CADM2: variants seen among roughly 807,000 people sequenced by gnomAD.
CADM2 encodes immunoglobulin superfamily member 4D.
Under a neutral mutation model 49.8 loss-of-function variants are expected in CADM2, and 12 were observed. The ratio of observed to expected loss-of-function variants is 0.24; its 90% CI spans 0.15 to 0.39. The LOEUF (loss-of-function observed/expected upper bound fraction) is 0.39, where lower values mean the gene tolerates loss of function less well. Among genes scored for constraint, CADM2 ranks in the 10% least tolerant of loss-of-function variants. CADM2 has a pLI of 1.00. For missense variants in CADM2, 378 were observed against 492.3 expected, an observed-to-expected ratio of 0.77 and a Z score of 2.20; for synonymous variants, 214 against 175.4, an observed-to-expected ratio of 1.22 and a Z score of -1.74.
intron 3 of CADM2, among the ~76,000 whole-genome samples, chr3:85,809,763 CCTCTCTCTCTCT>C (rs575170244): frequency 3.9e-5 from 2 of 51,926 alleles, no homozygotes; most frequent in Admixed American, 3.6e-4. Flanking sequence ...TCCCTCCCTC[CCTCTCTCTCTCT>C]CTCTCTCTCT....
chr3:85,071,811 ATT>A (rs1380544743), intron 1 of CADM2, among the ~76,000 whole-genome samples: 1 of 151,956 alleles, frequency 6.6e-6, no homozygotes, highest in East Asian at 1.9e-4. Flanking sequence ...ATTGTGCATG[ATT>A]TTTTTGTGAA....
At chr3:85,498,747 G>T (rs1268194801) in intron 1 of CADM2, among the ~76,000 whole-genome samples, 1 of 152,086 alleles carries the variant, frequency 6.6e-6, no homozygotes, top group Admixed American at 6.6e-5. Context: ...GAAATACCGT[G>T]ACCCGAGGTT....
At chr3:85,579,657 A>G (rs1415424394) in intron 1 of CADM2, among the ~76,000 whole-genome samples, 1 of 152,174 alleles carries the variant, frequency 6.6e-6, no homozygotes. Flanking sequence ...TAAAATTATT[A>G]AGGTAATATT....
At chr3:85,906,056 T>C (rs1441783494) in intron 5 of CADM2, among the ~76,000 whole-genome samples, 1 of 152,178 alleles carries the variant, frequency 6.6e-6, no homozygotes, top group Non-Finnish European at 1.5e-5. Context: ...GAAGTCACAC[T>C]TGCCTGCTGC....
chr3:85,265,952 T>C (rs1424790409), intron 1 of CADM2, among the ~76,000 whole-genome samples: 1 of 151,946 alleles, frequency 6.6e-6, no homozygotes, highest in East Asian at 1.9e-4. Flanking sequence ...CATTCACATG[T>C]TCGAAGGTAG....
At chr3:85,852,850 C>T (rs2108296550) in intron 3 of CADM2, among the ~76,000 whole-genome samples, 1 of 151,998 alleles carries the variant, frequency 6.6e-6, no homozygotes, top group South Asian at 2.1e-4. Context: ...TCCTTGTAGC[C>T]CCATCATCTA....
In CADM2 at chr3:85,441,913, A is replaced by C. The variant is rs149887514; in HGVS notation, c.62-284609A>C. ...TGAGGAAGTAAGGAACAAAGAAGAGAGGTGGAACTATAAGCAGAAGAACAA... is the reference window on the plus strand; with the variant it reads ...TGAGGAAGTAAGGAACAAAGAAGAGCGGTGGAACTATAAGCAGAAGAACAA... On this transcript the variant is annotated intron_variant, in intron 1 of 9. Transcript: ENST00000383699. 2.4e-3 allele frequency among the ~76,000 whole-genome samples: 367 copies of C among 152,218 alleles called. 2 individuals are homozygous for C. Among genetic ancestry groups the C allele is most frequent in the African/African-American group, 8.4e-3 (351 of 41,572 alleles).
At chr3:85,103,417 T>G (rs1032986568) in intron 1 of CADM2, among the ~76,000 whole-genome samples, 5 of 152,176 alleles carry the variant, frequency 3.3e-5, no homozygotes, top group African/African-American at 9.6e-5. Context: ...TAATTCAGTA[T>G]GATAGTTTCC....
intron 8 of CADM2, among the ~76,000 whole-genome samples, chr3:86,033,563 T>C (rs1040853222): frequency 3.3e-5 from 5 of 151,166 alleles, no homozygotes; most frequent in Non-Finnish European, 5.9e-5. Context: ...TCTACACTTG[T>C]GTTCTGTGAA....
At chr3:85,492,012 T>G (rs542695883) in intron 1 of CADM2, among the ~76,000 whole-genome samples, 1 of 152,164 alleles carries the variant, frequency 6.6e-6, no homozygotes, top group East Asian at 1.9e-4. Flanking sequence ...GATACACTTC[T>G]ACCCTGGGAA....
intron 1 of CADM2, among the ~76,000 whole-genome samples, chr3:84,987,731 G>A (rs2032655120): frequency 6.6e-6 from 1 of 152,116 alleles, no homozygotes. Context: ...TAAAAACTAT[G>A]GTGTATATAG....
chr3:85,577,456 C>T (rs1319435242), intron 1 of CADM2, among the ~76,000 whole-genome samples: 2 of 152,106 alleles, frequency 1.3e-5, no homozygotes, highest in African/African-American at 4.8e-5. Context: ...TGCCCTTCCT[C>T]CTTCTGCCAT....
chr3:85,516,061 G>C (rs139242415), intron 1 of CADM2, among the ~76,000 whole-genome samples: 1 of 152,116 alleles, frequency 6.6e-6, no homozygotes, highest in Non-Finnish European at 1.5e-5. Context: ...GGCAGTGAAT[G>C]TGCACTTAGA....
intron 1 of CADM2, among the ~76,000 whole-genome samples, chr3:85,644,253 G>A: frequency 6.6e-6 from 1 of 152,156 alleles, no homozygotes; most frequent in East Asian, 1.9e-4. Context: ...GAAAGAGAGA[G>A]AGGAAGAAAG....
At chr3:85,604,268 C>G (rs1334615830) in intron 1 of CADM2, among the ~76,000 whole-genome samples, 1 of 151,862 alleles carries the variant, frequency 6.6e-6, no homozygotes, top group Admixed American at 6.6e-5. Flanking sequence ...GGACTTTGCT[C>G]AGAGAGATCA....
Position 86,070,376 on chromosome 3 carries a change from G to A in CADM2, c.*3593G>A, listed in dbSNP as rs999274006. ...TCTTCCATGTAACATAGCAGTTATC[G>A]TGTAATTTAGTGCCACTTATTGCAA... On this transcript the variant is annotated 3_prime_UTR_variant, in exon 10 of 10. Transcript: ENST00000383699. 10 of 151,888 alleles carry A rather than the reference G, an allele frequency of 6.6e-5. No homozygotes were observed. Among genetic ancestry groups the A allele is most frequent in the African/African-American group, 1.4e-4 (6 of 41,422 alleles). 9.4% of individuals were successfully genotyped at this position (151,888 alleles called of 1,614,324 possible).
chr3:85,470,213 G>C (rs555301357), intron 1 of CADM2, among the ~76,000 whole-genome samples: 2 of 152,292 alleles, frequency 1.3e-5, no homozygotes, highest in African/African-American at 4.8e-5. Flanking sequence ...GATACAAACA[G>C]TGTTTATATT....
At chr3:85,799,409 G>T (rs538032845) in intron 2 of CADM2, among the ~76,000 whole-genome samples, 8 of 152,266 alleles carry the variant, frequency 5.3e-5, no homozygotes, top group African/African-American at 1.9e-4. Flanking sequence ...CTGTGGGTTT[G>T]CCATAAGTAG....
At chr3:85,164,887 G>T (rs998751478) in intron 1 of CADM2, among the ~76,000 whole-genome samples, 1 of 151,848 alleles carries the variant, frequency 6.6e-6, no homozygotes, top group Non-Finnish European at 1.5e-5. Flanking sequence ...TAACAAAACA[G>T]TTTATATAGA....
Sources: allele counts gnomAD v4.1 joint callset (sites outside exome capture counted in the v4.1 genomes callset), GRCh38; gene constraint gnomAD v4.1.1; transcripts MANE v1.5; gene names NCBI Gene and HGNC (gene_info 2026-07-23, HGNC 2026-07-21).